Variants in ROBO2 observed in about 807,000 individuals in gnomAD.
The protein encoded by ROBO2 is roundabout guidance receptor 2.
ROBO2 carries 53 observed loss-of-function variants against 160.8 expected under a neutral mutation model. That is an observed-to-expected ratio of 0.33 (90% CI 0.26 to 0.41). The LOEUF (loss-of-function observed/expected upper bound fraction) is 0.41. Ranked by LOEUF, ROBO2 falls within the 10% of genes least tolerant of loss-of-function variation. The pLI is 1.00. For missense variants in ROBO2, 1,577 were observed against 1,722.4 expected (o/e 0.92, Z 1.49); for synonymous variants, 664 against 611.7 (o/e 1.09, Z -1.26).
chr3:77,057,227 C>T (rs1015454026), intron 1 of ROBO2, among the ~76,000 whole-genome samples: 8 of 152,220 alleles, frequency 5.3e-5, no homozygotes, highest in East Asian at 3.9e-4. Flanking sequence ...AACCAAACAC[C>T]GCATGTTCTC....
chr3:76,992,324 ACTATATATATATATATATATAT>A (rs1559811891), intron 2 of ROBO2, among the ~76,000 whole-genome samples: 1 of 72,254 alleles, frequency 1.4e-5, no homozygotes, highest in Non-Finnish European at 2.7e-5. Context: ...TCCATGTATT[ACTATATATATATATATATATAT>A]ATATATATAT....
At chr3:77,376,617 T>C (rs1043902548) in intron 2 of ROBO2, among the ~76,000 whole-genome samples, 1 of 152,156 alleles carries the variant, frequency 6.6e-6, no homozygotes, top group African/African-American at 2.4e-5. Context: ...CTTTTCTCCC[T>C]AGGTTGGTTG....
intron 2 of ROBO2, among the ~76,000 whole-genome samples, chr3:76,933,191 A>G (rs1395862575): frequency 6.6e-6 from 1 of 152,210 alleles, no homozygotes; most frequent in Admixed American, 6.5e-5. Context: ...TTCATATTCC[A>G]TATACAATAT....
chr3:77,128,831 A>G (rs2075587440), intron 2 of ROBO2, among the ~76,000 whole-genome samples: 1 of 152,224 alleles, frequency 6.6e-6, no homozygotes, highest in Admixed American at 6.5e-5. Flanking sequence ...GAATAAATTC[A>G]TACAGTAGAA....
intron 2 of ROBO2, among the ~76,000 whole-genome samples, chr3:76,914,338 T>C (rs1362031526): frequency 6.6e-6 from 1 of 152,186 alleles, no homozygotes; most frequent in Admixed American, 6.5e-5. Flanking sequence ...TCAAGTTCAC[T>C]AAACTTTTAG....
At chr3:76,822,279 C>G (rs2066188113) in intron 2 of ROBO2, among the ~76,000 whole-genome samples, 1 of 151,896 alleles carries the variant, frequency 6.6e-6, no homozygotes, top group African/African-American at 2.4e-5. Flanking sequence ...TGATAAATTC[C>G]TGGTTCCTAG....
intron 2 of ROBO2, among the ~76,000 whole-genome samples, chr3:77,381,143 G>C (rs1003427829): frequency 6.6e-6 from 1 of 152,084 alleles, no homozygotes; most frequent in Non-Finnish European, 1.5e-5. Flanking sequence ...GTGAAACCCC[G>C]TCTCTACTAA....
intron 2 of ROBO2, among the ~76,000 whole-genome samples, chr3:77,006,303 A>ATT (rs1578201697): frequency 1.1e-5 from 1 of 93,406 alleles, no homozygotes; most frequent in Admixed American, 1.1e-4. Context: ...GAATTTTAAT[A>ATT]TTTGTGTGTG....
intron 2 of ROBO2, among the ~76,000 whole-genome samples, chr3:76,568,860 G>A (rs1020319374): frequency 6.6e-6 from 1 of 152,006 alleles, no homozygotes; most frequent in Non-Finnish European, 1.5e-5. Flanking sequence ...AGCATTCTAT[G>A]TTCTACTAAA....
chr3:77,356,278 TCTA>T (rs1333555240), intron 2 of ROBO2, among the ~76,000 whole-genome samples: 1 of 152,106 alleles, frequency 6.6e-6, no homozygotes, highest in Admixed American at 6.6e-5. Context: ...TCAGCATGAT[TCTA>T]CTGATAGCTA....
intron 2 of ROBO2, among the ~76,000 whole-genome samples, chr3:76,715,788 CAG>C (rs2093369628): frequency 6.6e-6 from 1 of 152,108 alleles, no homozygotes; most frequent in Admixed American, 6.6e-5. Flanking sequence ...GGAATATACA[CAG>C]AGGCTTTCAA....
chr3:76,670,483 C>G (rs2092224631), intron 2 of ROBO2, among the ~76,000 whole-genome samples: 1 of 151,934 alleles, frequency 6.6e-6, no homozygotes, highest in Non-Finnish European at 1.5e-5. Flanking sequence ...ATTTAATATA[C>G]TACATAAAAA....
At chr3:75,983,220 T>C (rs989880687) in intron 2 of ROBO2, among the ~76,000 whole-genome samples, 1 of 151,454 alleles carries the variant, frequency 6.6e-6, no homozygotes, top group African/African-American at 2.4e-5. Flanking sequence ...TCAAAAGCTT[T>C]AGAAGTATGT....
intron 2 of ROBO2, among the ~76,000 whole-genome samples, chr3:77,410,513 T>TTCC (rs1253780728): frequency 1.0e-5 from 1 of 97,866 alleles, no homozygotes; most frequent in African/African-American, 3.2e-5. Context: ...CTTCCTCCTC[T>TTCC]TCCTCCTCCT....
intron 2 of ROBO2, among the ~76,000 whole-genome samples, chr3:76,654,654 C>T (rs547056337): frequency 6.6e-6 from 1 of 151,930 alleles, no homozygotes; most frequent in Non-Finnish European, 1.5e-5. Context: ...GATCTGTGCT[C>T]ACTTGGAAGG....
At chr3:75,993,607 A>G (rs2065634404) in intron 2 of ROBO2, among the ~76,000 whole-genome samples, 1 of 152,154 alleles carries the variant, frequency 6.6e-6, no homozygotes, top group Non-Finnish European at 1.5e-5. Context: ...AGTTTTTTTA[A>G]TTCGCAATTT....
intron 2 of ROBO2, among the ~76,000 whole-genome samples, chr3:76,830,626 ATGT>A (rs2066997404): frequency 6.6e-6 from 1 of 151,916 alleles, no homozygotes; most frequent in Admixed American, 6.6e-5. Context: ...GACTTTCCAC[ATGT>A]TGTTTTATTT....
intron 2 of ROBO2, among the ~76,000 whole-genome samples, chr3:76,353,805 C>T (rs984608896): frequency 3.3e-5 from 5 of 151,806 alleles, no homozygotes; most frequent in African/African-American, 4.8e-5. Context: ...ACTCTCTAAA[C>T]GCACTTCTAA....
At chr3:76,044,895 C>T (rs905985632) in intron 2 of ROBO2, among the ~76,000 whole-genome samples, 2 of 151,918 alleles carry the variant, frequency 1.3e-5, no homozygotes, top group Non-Finnish European at 2.9e-5. Context: ...CAGAGAGTGT[C>T]CTAGGCAGAG....
Sources: gnomAD v4.1 joint callset for allele counts (sites outside exome capture counted in the v4.1 genomes callset) on GRCh38, gnomAD v4.1.1 for gene constraint, MANE v1.5 for transcripts, NCBI Gene and HGNC (gene_info 2026-07-23, HGNC 2026-07-21) for gene names.